The following CEP192 variants were observed in gnomAD, a reference collection of about 807,000 sequenced individuals.
CEP192 encodes centrosomal protein 192.
CEP192 carries 151 observed loss-of-function variants against 271.8 expected under a neutral mutation model. The ratio of observed to expected loss-of-function variants is 0.56; its 90% CI spans 0.49 to 0.64. CEP192 has a LOEUF of 0.64. CEP192 is among the 30% of genes least tolerant of loss of function. The pLI is 0.00. For missense variants in CEP192, 2,910 were observed against 3,020.5 expected, an observed-to-expected ratio of 0.96 and a Z score of 0.86; for synonymous variants, 995 against 1,076.5, an observed-to-expected ratio of 0.92 and a Z score of 1.48.
chr18:13,075,782 T>C (rs1463753033), intron 30 of CEP192, among the ~76,000 whole-genome samples: 2 of 152,168 alleles, frequency 1.3e-5, no homozygotes, highest in African/African-American at 2.4e-5. Context: ...ATTTTGCACA[T>C]GTGTAAACTG....
intron 5 of CEP192, 55 bp downstream of exon 5, chr18:13,013,080 T>G: frequency 3.4e-6 from 3 of 878,580 alleles, no homozygotes; most frequent in Non-Finnish European, 5.3e-6. Flanking sequence ...GCAGTAAAAT[T>G]TCATATTTCG....
At chr18:13,107,575 A>G (rs1430101941) in intron 40 of CEP192, among the ~76,000 whole-genome samples, 2 of 152,198 alleles carry the variant, frequency 1.3e-5, no homozygotes, top group African/African-American at 4.8e-5. Flanking sequence ...AAAAGTGGCT[A>G]TCCTTTGCTA....
In CEP192 at chr18:13,052,921, G is replaced by A. The variant is rs1471761767; in HGVS notation, c.3020G>A (p.Cys1007Tyr). Residue 1007 changes from cysteine to tyrosine, a missense_variant and splice_region_variant, in exon 18 of 45, where the codon TGT becomes TAT. Physicochemically the swap from Cys to Tyr is radical, Grantham distance 194 (BLOSUM62 -2). Transcript: ENST00000506447. Reference protein sequence around the residue: ...SEISGTSSSGCALESFGSAAQ... With the variant: ...SEISGTSSSGYALESFGSAAQ... Reference sequence around the variant, plus strand: ...TGTGAGCTACTCTTCTCTTTCAGGTGTGCGTTAGAGTCCTTTGGTTCAGCA... The same window carrying A: ...TGTGAGCTACTCTTCTCTTTCAGGTATGCGTTAGAGTCCTTTGGTTCAGCA... 7 of 1,591,500 alleles carry A rather than the reference G, an allele frequency of 4.4e-6. No individual in the cohort carries two copies. The highest frequency in any genetic ancestry group is 6.0e-6 in the Non-Finnish European group (7 of 1,167,050).
At chr18:13,037,378 T>C (rs2035973556) in intron 12 of CEP192, 77 bp downstream of exon 12, 1 of 636,260 alleles carries the variant, frequency 1.6e-6, no homozygotes, top group African/African-American at 1.9e-5. Context: ...TGTTCATTTC[T>C]TTCTGAATAT....
intron 17 of CEP192, among the ~76,000 whole-genome samples, chr18:13,052,210 T>C (rs959493064): frequency 6.6e-6 from 1 of 152,218 alleles, no homozygotes; most frequent in Non-Finnish European, 1.5e-5. Context: ...TATTTGTCAC[T>C]TCCTGATCTT....
Position 13,087,218 on chromosome 18 carries a change from G to A in CEP192, c.5818G>A (p.Asp1940Asn). 2 of 1,613,198 alleles carry A rather than the reference G, an allele frequency of 1.2e-6. No homozygotes were observed. The highest frequency in any genetic ancestry group is 1.1e-5 in the South Asian group (1 of 91,048). Residue 1940 changes from aspartate (D) to asparagine (N), a missense_variant, in exon 31 of 45, where the codon GAT becomes AAT. Asp to Asn is a conservative substitution (Grantham distance 23). Transcript: ENST00000506447. ...FKDSQKKVLL[D>N]PKVLRIFPDK... ...GGATTCTCAGAAAAAAGTTTTGCTG[G>A]ATCCTAAAGTATTGAGGATTTTTCC...
intron 30 of CEP192, among the ~76,000 whole-genome samples, chr18:13,080,444 T>C (rs2038536066): frequency 1.3e-5 from 2 of 152,206 alleles, no homozygotes; most frequent in Admixed American, 6.5e-5. Flanking sequence ...TGTTTGTCTG[T>C]TATTGGTGTA....
chr18:13,099,432 A>G, intron 36 of CEP192, 44 bp from the exon 37 acceptor site: 1 of 990,116 alleles, frequency 1.0e-6, no homozygotes, highest in East Asian at 2.4e-5. Context: ...TACTGCTGTT[A>G]AAATGCAGGC....
intron 3 of CEP192, among the ~76,000 whole-genome samples, chr18:13,006,986 C>T (rs1007447912): frequency 2.0e-5 from 3 of 152,078 alleles, no homozygotes; most frequent in Non-Finnish European, 2.9e-5. Flanking sequence ...TGCTTCATGC[C>T]GGGCTTTCCG....
chr18:13,028,531 A>C (rs190603444), intron 9 of CEP192, among the ~76,000 whole-genome samples: 1 of 151,946 alleles, frequency 6.6e-6, no homozygotes, highest in South Asian at 2.1e-4. Context: ...TTATTTATTT[A>C]TTTTTGAGAC....
chr18:12,999,328 T>C, intron 1 of CEP192, 93 bp from the exon 2 acceptor site: 1 of 1,023,850 alleles, frequency 9.8e-7, no homozygotes, highest in Non-Finnish European at 1.4e-6. Flanking sequence ...ATTTTTTTCC[T>C]AAGATTTATT....
At chr18:13,065,687 C>G (rs887798869) in intron 21 of CEP192, among the ~76,000 whole-genome samples, 1 of 152,144 alleles carries the variant, frequency 6.6e-6, no homozygotes, top group Admixed American at 6.5e-5. Flanking sequence ...AAGTTATATT[C>G]CATGCACTCT....
chr18:13,100,592 T>C, intron 38 of CEP192, 80 bp downstream of exon 38: 1 of 1,142,762 alleles, frequency 8.8e-7, no homozygotes, highest in Admixed American at 2.2e-5. Context: ...CATAAGTTGG[T>C]GATAAATATA....
At chr18:13,023,310 T>A (rs749679024) in intron 9 of CEP192, among the ~76,000 whole-genome samples, 9 of 152,304 alleles carry the variant, frequency 5.9e-5, no homozygotes, top group Non-Finnish European at 1.2e-4. Flanking sequence ...AGAGGAGACA[T>A]CTTTGCCTTA....
intron 35 of CEP192, 91 bp from the exon 36 acceptor site, chr18:13,096,093 T>C: frequency 7.7e-7 from 1 of 1,301,924 alleles, no homozygotes; most frequent in East Asian, 2.4e-5. Context: ...TACTTGTATA[T>C]CTATTTAGGG....
intron 17 of CEP192, 73 bp downstream of exon 17, chr18:13,049,964 A>G: frequency 7.8e-7 from 1 of 1,275,526 alleles, no homozygotes; most frequent in Admixed American, 2.3e-5. Context: ...AAATGTGTAA[A>G]GAAGAAAAAT....
chr18:13,066,540 A>G (rs2037709590), intron 21 of CEP192, among the ~76,000 whole-genome samples: 1 of 152,196 alleles, frequency 6.6e-6, no homozygotes, highest in East Asian at 1.9e-4. Flanking sequence ...CCTTGAGAGT[A>G]CTTTTGCAGA....
chr18:13,049,999 G>T, intron 17 of CEP192, 108 bp downstream of exon 17: 1 of 865,420 alleles, frequency 1.2e-6, no homozygotes, highest in African/African-American at 1.7e-5. Context: ...TCTCTCAAAG[G>T]TAACTCTTGT....
intron 40 of CEP192, among the ~76,000 whole-genome samples, chr18:13,110,945 C>G (rs1016330110): frequency 6.6e-6 from 1 of 152,248 alleles, no homozygotes; most frequent in Non-Finnish European, 1.5e-5. Flanking sequence ...CCTGCCTCTT[C>G]TAGCCTGCTG....
Sources: gnomAD v4.1 joint callset for allele counts (sites outside exome capture counted in the v4.1 genomes callset) on GRCh38, gnomAD v4.1.1 for gene constraint, MANE v1.5 for transcripts, NCBI Gene and HGNC (gene_info 2026-07-23, HGNC 2026-07-21) for gene names.